ZFAND3: variants seen among roughly 807,000 people sequenced by gnomAD.
ZFAND3 encodes AN1-type zinc finger protein 3.
Under a neutral mutation model 29.6 loss-of-function variants are expected in ZFAND3, and 10 were observed. The observed-to-expected ratio is 0.34, with a 90% CI of 0.21 to 0.57. ZFAND3 has a LOEUF of 0.57. Ranked by LOEUF, ZFAND3 falls within the 20% of genes least tolerant of loss-of-function variation. The pLI is 0.86. For synonymous variants in ZFAND3, 128 were observed against 112.6 expected (o/e 1.14, Z -0.87); for missense variants, 230 against 304.5 (o/e 0.76, Z 1.82).
intron 1 of ZFAND3, among the ~76,000 whole-genome samples, chr6:37,845,843 C>G (rs1764168140): frequency 6.6e-6 from 1 of 152,158 alleles, no homozygotes; most frequent in Non-Finnish European, 1.5e-5. Flanking sequence ...TTAAAGTGAG[C>G]CTTAGCTTAT....
At chr6:37,987,444 G>A (rs1167296123) in intron 2 of ZFAND3, among the ~76,000 whole-genome samples, 1 of 152,128 alleles carries the variant, frequency 6.6e-6, no homozygotes, top group Non-Finnish European at 1.5e-5. Flanking sequence ...TTTAGACCCT[G>A]GAGTGAATTA....
chr6:37,819,913 TGCCGCCGCCGAGCTCC>T lies in ZFAND3; in HGVS notation c.-19_-4del, dbSNP rs1443957001. 170 of 1,196,386 alleles carry T rather than the reference TGCCGCCGCCGAGCTCC, an allele frequency of 1.4e-4. No individual in the cohort carries two copies. Among genetic ancestry groups the T allele is most frequent in the East Asian group, 9.7e-4 (27 of 27,824 alleles). The allele number at this position is 1,196,386 out of a possible 1,614,324, so 74.1% of individuals were successfully genotyped here. Reference sequence around the variant, plus strand: ...GCCCGGGCCCAGCCGCCGCCACCGCTGCCGCCGCCGAGCTCCGCCGCCGCCGAGCACCATGGGAGAC... The same window carrying T: ...GCCCGGGCCCAGCCGCCGCCACCGCTGCCGCCGCCGAGCACCATGGGAGAC... On this transcript the variant is annotated 5_prime_UTR_variant, in exon 1 of 6. Transcript: ENST00000287218.
chr6:38,090,454 G>C (rs189384737), intron 4 of ZFAND3, among the ~76,000 whole-genome samples: 2 of 152,236 alleles, frequency 1.3e-5, no homozygotes, highest in East Asian at 3.9e-4. Flanking sequence ...CATCATCTTG[G>C]GTCCTGAAGG....
chr6:37,898,971 C>T (rs1442354947), intron 1 of ZFAND3, among the ~76,000 whole-genome samples: 1 of 152,198 alleles, frequency 6.6e-6, no homozygotes, highest in Non-Finnish European at 1.5e-5. Context: ...TCTCGGCTCG[C>T]TGCAAGCTCT....
Position 37,918,951 on chromosome 6 carries a change from CTTTTT to C in ZFAND3, c.72-10992_72-10988del, listed in dbSNP as rs66941014. ...TGTGTTTTCAAAACATGAAAAATGCCTTTTTTTTTTTTTTTTTTTTGAGACGGAGT... is the reference window on the plus strand; with the variant it reads ...TGTGTTTTCAAAACATGAAAAATGCCTTTTTTTTTTTTTTTGAGACGGAGT... On this transcript the variant is annotated intron_variant, in intron 1 of 5. Transcript: ENST00000287218. Among the ~76,000 whole-genome samples, 17 of 104,716 alleles carry C rather than the reference CTTTTT, an allele frequency of 1.6e-4. 1 individual carries two copies. Among genetic ancestry groups the C allele is most frequent in the African/African-American group, 5.3e-4 (13 of 24,582 alleles). The allele number at this position is 104,716 out of a possible 152,430, so 68.7% of individuals were successfully genotyped here.
intron 1 of ZFAND3, among the ~76,000 whole-genome samples, chr6:37,860,991 G>A (rs964434813): frequency 1.3e-5 from 2 of 152,092 alleles, no homozygotes; most frequent in Non-Finnish European, 2.9e-5. Flanking sequence ...CGGGCGTGGT[G>A]GCTCACACTT....
intron 2 of ZFAND3, among the ~76,000 whole-genome samples, chr6:37,973,955 G>A (rs1323976226): frequency 6.6e-6 from 1 of 152,180 alleles, no homozygotes; most frequent in African/African-American, 2.4e-5. Context: ...TTTAGTGACC[G>A]AGAGTTTATT....
At chr6:37,914,342 A>G (rs1761191406) in intron 1 of ZFAND3, among the ~76,000 whole-genome samples, 1 of 152,000 alleles carries the variant, frequency 6.6e-6, no homozygotes, top group Non-Finnish European at 1.5e-5. Context: ...TAGATTTAGC[A>G]TAGTTGTTTT....
intron 3 of ZFAND3, among the ~76,000 whole-genome samples, chr6:38,076,402 C>T (rs1764554243): frequency 6.6e-6 from 1 of 152,054 alleles, no homozygotes; most frequent in South Asian, 2.1e-4. Flanking sequence ...CATAATATCT[C>T]TGAGGTATGC....
At chr6:37,992,925 C>T (rs183730752) in intron 2 of ZFAND3, among the ~76,000 whole-genome samples, 1 of 152,112 alleles carries the variant, frequency 6.6e-6, no homozygotes, top group African/African-American at 2.4e-5. Context: ...GGTTTCCTCA[C>T]AATTCACTTT....
chr6:38,116,498 T>C lies in ZFAND3; in HGVS notation c.362-74T>C, dbSNP rs928180966. On this transcript the variant is annotated intron_variant, in intron 4 of 5. Coordinates refer to ENST00000287218, the MANE Select transcript of ZFAND3 (RefSeq NM_021943.3). Reference sequence around the variant, plus strand: ...GCAGTAGCCTGGTCAGGAGAATGCCTGGAAATACATTAATCAACTGTGCTT... The same window carrying C: ...GCAGTAGCCTGGTCAGGAGAATGCCCGGAAATACATTAATCAACTGTGCTT... 9.9e-6 allele frequency: 15 copies of C among 1,518,320 alleles called. No homozygotes were observed. The African/African-American group carries it at 1.9e-4, about 20-fold the overall frequency. 94.1% of individuals were successfully genotyped at this position (1,518,320 alleles called of 1,614,324 possible). A position where few individuals can be genotyped will look rare whatever the true frequency, so the allele number is the denominator to read the frequency against.
At chr6:38,100,756 A>G (rs1765075976) in intron 4 of ZFAND3, among the ~76,000 whole-genome samples, 1 of 152,172 alleles carries the variant, frequency 6.6e-6, no homozygotes, top group Non-Finnish European at 1.5e-5. Context: ...ATAATTTCAG[A>G]CTTCAGAAGT....
At chr6:38,005,673 A>G (rs1763036066) in intron 2 of ZFAND3, among the ~76,000 whole-genome samples, 1 of 152,216 alleles carries the variant, frequency 6.6e-6, no homozygotes, top group South Asian at 2.1e-4. Context: ...TTTATTATAC[A>G]GTTGTTACAT....
chr6:38,002,144 G>A (rs887309893), intron 2 of ZFAND3, among the ~76,000 whole-genome samples: 1 of 152,022 alleles, frequency 6.6e-6, no homozygotes, highest in Non-Finnish European at 1.5e-5. Context: ...ATATTCATGC[G>A]TACTAAGCCT....
At chr6:38,040,541 GT>G (rs755244228) in intron 2 of ZFAND3, among the ~76,000 whole-genome samples, 11 of 152,246 alleles carry the variant, frequency 7.2e-5, no homozygotes, top group Admixed American at 5.2e-4. Flanking sequence ...TAGTTTTGAT[GT>G]GAAGTACAGC....
chr6:37,903,272 C>T (rs1320979103), intron 1 of ZFAND3, among the ~76,000 whole-genome samples: 2 of 152,082 alleles, frequency 1.3e-5, no homozygotes, highest in African/African-American at 2.4e-5. Flanking sequence ...TAGTTAGAGT[C>T]ACCAACAAAA....
At chr6:38,042,175 T>G (rs947747326) in intron 2 of ZFAND3, among the ~76,000 whole-genome samples, 2 of 151,940 alleles carry the variant, frequency 1.3e-5, no homozygotes, top group Admixed American at 6.6e-5. Flanking sequence ...CTTAAAATGA[T>G]TTTCTTAAAA....
intron 2 of ZFAND3, among the ~76,000 whole-genome samples, chr6:37,934,188 C>CA (rs1554159976): frequency 3.2e-4 from 43 of 133,216 alleles, no homozygotes; most frequent in African/African-American, 1.2e-3. Flanking sequence ...GCGCCCGGCC[C>CA]TTTTTTTTTT....
chr6:38,125,434 A>T (rs1428911244), intron 5 of ZFAND3, among the ~76,000 whole-genome samples: 1 of 152,206 alleles, frequency 6.6e-6, no homozygotes, highest in Non-Finnish European at 1.5e-5. Flanking sequence ...TGTCAGAAAC[A>T]TGAAGAGCTC....
Sources: gnomAD v4.1 joint callset for allele counts (sites outside exome capture counted in the v4.1 genomes callset) on GRCh38, gnomAD v4.1.1 for gene constraint, MANE v1.5 for transcripts, NCBI Gene and HGNC (gene_info 2026-07-23, HGNC 2026-07-21) for gene names.